The following PTPRS variants were observed in gnomAD, a reference collection of about 807,000 sequenced individuals.
PTPRS encodes the protein protein tyrosine phosphatase receptor type S.
A neutral mutation model predicts 215.3 loss-of-function variants in PTPRS; 63 were observed. The observed-to-expected ratio is 0.29, with a 90% CI of 0.24 to 0.36. The LOEUF (loss-of-function observed/expected upper bound fraction) is 0.36. Ranked by LOEUF, PTPRS falls within the 10% of genes least tolerant of loss-of-function variation. The pLI is 1.00. For synonymous variants in PTPRS, 1,404 were observed against 1,191.4 expected, an observed-to-expected ratio of 1.18 and a Z score of -3.68; for missense variants, 2,258 against 2,825.8, an observed-to-expected ratio of 0.80 and a Z score of 4.56.
At position 5,257,515 on chromosome 19, in the gene PTPRS, C is replaced by T. The variant is rs1013280210; in HGVS notation, c.706+502G>A. 3 of 453,842 alleles carry T rather than the reference C, an allele frequency of 6.6e-6. No individual in the cohort carries two copies. The highest frequency in any genetic ancestry group is 1.3e-5 in the Non-Finnish European group (3 of 226,038). 28.1% of individuals were successfully genotyped at this position (453,842 alleles called of 1,614,324 possible). A position where few individuals can be genotyped will look rare whatever the true frequency, so the allele number is the denominator to read the frequency against. On this transcript the variant is annotated intron_variant, in intron 8 of 37. Transcript: ENST00000262963. This position sits in a 1 kb window ranked among gnomAD's most constrained non-coding sequence, Gnocchi z 4.4. ...GGAGGGGCAGCCTCGAAGACCCCTC[C>T]TCAACTTCTAGATTGAGGGCCCTGG...
intron 1 of PTPRS, among the ~76,000 whole-genome samples, chr19:5,297,655 A>G (rs1242881547): frequency 2.6e-5 from 4 of 152,220 alleles, no homozygotes. Flanking sequence ...AGAAGTGGTG[A>G]TAATTGCATT....
Position 5,309,717 on chromosome 19 carries a change from C to T in PTPRS, c.-94-23483G>A, listed in dbSNP as rs533468529. Among the ~76,000 whole-genome samples the T allele has an allele frequency of 5.0e-4, 76 of 152,242 alleles. 2 individuals are homozygous for T. In the South Asian group the frequency reaches 0.012, roughly 25 times the overall value. On this transcript the variant is annotated intron_variant, in intron 1 of 37. Transcript: ENST00000262963. ...TCGTTCTTGACTCATCTCAACCCTA[C>T]CCTGCAGCCAACCACTTGGAGAAGC... is the stretch of plus-strand genomic sequence containing the variant.
chr19:5,306,938 TGGAGAAAGTAC>T (rs1206946771), intron 1 of PTPRS, among the ~76,000 whole-genome samples: 4 of 152,184 alleles, frequency 2.6e-5, no homozygotes, highest in African/African-American at 4.8e-5. Flanking sequence ...AAATGACACG[TGGAGAAAGTAC>T]TCACGGCAAA....
chr19:5,257,540 G>GATT lies in PTPRS; in HGVS notation c.706+474_706+476dup. ...CTCAACTTCTAGATTGAGGGCCCTG[G>GATT]ATTAGGGGGGGCAGTGAAGCGGGGA... On this transcript the variant is annotated intron_variant, in intron 8 of 37. Transcript: ENST00000262963. The surrounding 1 kb of genome is among the most constrained non-coding windows in gnomAD (Gnocchi z 4.4). The GATT allele has an allele frequency of 2.2e-6, 1 of 444,838 alleles. No homozygotes were observed. The highest frequency in any genetic ancestry group is 4.5e-6 in the Non-Finnish European group (1 of 221,070). 27.6% of individuals were successfully genotyped at this position (444,838 alleles called of 1,614,324 possible).
rs184165544 is a variant in PTPRS at position 5,278,755 on chromosome 19, G to A, written c.92-4411C>T. 2.1e-4 allele frequency among the ~76,000 whole-genome samples: 32 copies of A among 152,142 alleles called. No homozygotes were observed. In the East Asian group the frequency reaches 2.5e-3, roughly 12 times the overall value. ...CTCCCAAAGTGCTGGGATTACAGGC[G>A]TGAGCCACCCTGCCCAGCCAGGATG... On this transcript the variant is annotated intron_variant, in intron 2 of 37. Coordinates refer to ENST00000262963, the MANE Select transcript of PTPRS (RefSeq NM_002850.4).
chr19:5,246,981 T>C (rs893072189), intron 9 of PTPRS, among the ~76,000 whole-genome samples: 8 of 151,508 alleles, frequency 5.3e-5, no homozygotes, highest in African/African-American at 1.9e-4. Flanking sequence ...TGGGGATCTC[T>C]AGTGCACACT....
At chr19:5,317,458 C>A (rs370287063) in intron 1 of PTPRS, among the ~76,000 whole-genome samples, 1 of 152,130 alleles carries the variant, frequency 6.6e-6, no homozygotes, top group Admixed American at 6.6e-5. Context: ...GGAGACAGAG[C>A]AAGACTGTCT....
chr19:5,276,544 GTTT>G (rs2047382298), intron 2 of PTPRS, among the ~76,000 whole-genome samples: 1 of 123,890 alleles, frequency 8.1e-6, no homozygotes, highest in African/African-American at 3.2e-5. Flanking sequence ...TTTTTTTTTT[GTTT>G]TTGTTTTTTT....
At position 5,228,963 on chromosome 19, in the gene PTPRS, C is replaced by T. The variant is rs534592255; in HGVS notation, c.2376+353G>A. Among the ~76,000 whole-genome samples the T allele has an allele frequency of 5.9e-5, 9 of 152,320 alleles. No individual in the cohort carries two copies. In the South Asian group the frequency reaches 1.9e-3, roughly 32 times the overall value. On this transcript the variant is annotated intron_variant, in intron 16 of 37. Coordinates refer to ENST00000262963, the MANE Select transcript of PTPRS (RefSeq NM_002850.4). ...GGGGCTGGGTCAACAGGAGAGGAGA[C>T]ATACTCACAGGAGAAATGACTACGG...
chr19:5,318,829 TAA>T lies in PTPRS; in HGVS notation c.-95+21833_-95+21834del, dbSNP rs532318548. Among the ~76,000 whole-genome samples the T allele has an allele frequency of 4.6e-3, 693 of 152,250 alleles. 5 individuals carry two copies. Among genetic ancestry groups the T allele is most frequent in the Middle Eastern group, 0.01 (3 of 294 alleles). ...CATTGGGCCCAGCTGATGTTATTTT[TAA>T]AAAAGTTTTTCCTGGCCTAGGCTGT... On this transcript the variant is annotated intron_variant, in intron 1 of 37. Coordinates refer to ENST00000262963, the MANE Select transcript of PTPRS (RefSeq NM_002850.4).
rs1310728222 is a variant in PTPRS at position 5,244,115 on chromosome 19, C to T, written c.1356G>A (p.Glu452=). 2.5e-6 allele frequency: 4 copies of T among 1,607,034 alleles called. No homozygotes were observed. Among genetic ancestry groups the T allele is most frequent in the Non-Finnish European group, 3.4e-6 (4 of 1,177,838 alleles). The part of the protein sequence containing the change: ...TMIVQWEEPV[E]PNGLIRGYRV... ...GGTAGCCGCGGATCAGGCCGTTGGG[C>T]TCCACCGGCTCCTCCCACTGCACAA... Residue 452 remains glutamate (E), a synonymous_variant, in exon 11 of 38, where the codon GAG becomes GAA. Coordinates refer to ENST00000262963, the MANE Select transcript of PTPRS (RefSeq NM_002850.4). The surrounding 1 kb of genome is among the most constrained non-coding windows in gnomAD (Gnocchi z 7.2).
chr19:5,330,095 A>C (rs1434061948), intron 1 of PTPRS, among the ~76,000 whole-genome samples: 2 of 151,792 alleles, frequency 1.3e-5, no homozygotes, highest in Non-Finnish European at 2.9e-5. Flanking sequence ...AAAAAAAAAA[A>C]ATTATTAAGA....
At chr19:5,336,862 G>A (rs2050520224) in intron 1 of PTPRS, among the ~76,000 whole-genome samples, 1 of 152,182 alleles carries the variant, frequency 6.6e-6, no homozygotes, top group South Asian at 2.1e-4. Flanking sequence ...TTTGCCGCAG[G>A]GAAGGACGGA....
chr19:5,303,954 A>AAAAAAAAAATAAAATAAAATAAAAAT, intron 1 of PTPRS, among the ~76,000 whole-genome samples: 5 of 132,330 alleles, frequency 3.8e-5, no homozygotes, highest in African/African-American at 1.5e-4. Context: ...CTGTCTCAAA[A>AAAAAAAAAATAAAATAAAATAAAAAT]AATAATAATA....
In PTPRS at chr19:5,237,549, A is replaced by G. The variant is rs547425861; in HGVS notation, c.1849+1370T>C. On this transcript the variant is annotated intron_variant, in intron 13 of 37. Coordinates refer to ENST00000262963, the MANE Select transcript of PTPRS (RefSeq NM_002850.4). The surrounding 1 kb of genome is among the most constrained non-coding windows in gnomAD (Gnocchi z 4.2). ...GATGTGCGTGCGTGGGCAGCGTGGC[A>G]TGGTGGTGGCACGTGGTTTGGGAGA... Among the ~76,000 whole-genome samples the G allele has an allele frequency of 3.3e-4, 50 of 152,170 alleles. 3 individuals carry two copies.
At chr19:5,327,796 T>A (rs1337945244) in intron 1 of PTPRS, among the ~76,000 whole-genome samples, 1 of 151,916 alleles carries the variant, frequency 6.6e-6, no homozygotes. Flanking sequence ...AGATGGGGTC[T>A]TCCTATGTTG....
chr19:5,233,957 A>AAAAAAAAAAAAAC (rs2043222240), intron 13 of PTPRS, among the ~76,000 whole-genome samples: 1 of 131,092 alleles, frequency 7.6e-6, no homozygotes, highest in Non-Finnish European at 1.6e-5. Flanking sequence ...AAAAAAAAAA[A>AAAAAAAAAAAAAC]AAAAAAAAAA....
At position 5,214,620 on chromosome 19, in the gene PTPRS, C is replaced by A; in HGVS notation, c.4435G>T (p.Val1479Leu). 1 of 1,613,354 alleles carries A rather than the reference C, an allele frequency of 6.2e-7. No individual in the cohort carries two copies. The highest frequency in any genetic ancestry group is 8.5e-7 in the Non-Finnish European group (1 of 1,179,934). The change falls in exon 29 of 38, where the codon GTG becomes TTG. Residue 1479 changes from valine (V) to leucine (L), a missense_variant. Around this residue, in one of 6 missense-constraint regions of PTPRS, gnomAD observed 927 missense variants for 1,125.9 expected, o/e 0.82. Coordinates refer to ENST00000262963, the MANE Select transcript of PTPRS (RefSeq NM_002850.4). ...PETFGDFWRM[V>L]WEQRSATIVM... ...ATGGTCGCCGACCGCTGCTCCCACA[C>A]CATACGCCAGAAGTCCCCAAAGGTC...
intron 3 of PTPRS, 118 bp downstream of exon 3, chr19:5,274,081 G>T: frequency 7.2e-7 from 1 of 1,392,570 alleles, no homozygotes; most frequent in Non-Finnish European, 9.7e-7. Context: ...ATGCTTGCTT[G>T]GCCACAGATG....
Sources: gnomAD v4.1 joint callset for allele counts (sites outside exome capture counted in the v4.1 genomes callset) on GRCh38, gnomAD v4.1.1 for gene constraint, gnomAD v4.1.1 regional missense constraint, Gnocchi (gnomAD v3.1) non-coding constraint, MANE v1.5 for transcripts, NCBI Gene and HGNC (gene_info 2026-07-23, HGNC 2026-07-21) for gene names.